QDPR: variants seen among roughly 807,000 people sequenced by gnomAD.
QDPR encodes quinoid dihydropteridine reductase.
QDPR carries 23 observed loss-of-function variants against 31.7 expected under a neutral mutation model. The ratio of observed to expected loss-of-function variants is 0.73; its 90% confidence interval spans 0.52 to 1.03. The LOEUF is 1.03. Ranked by LOEUF, QDPR falls within the 50% of genes least tolerant of loss-of-function variation. The pLI, the probability that QDPR is intolerant of heterozygous loss-of-function variation, is 0.00. For synonymous variants in QDPR, 124 were observed against 124.7 expected, an observed-to-expected ratio of 0.99 and a Z score of 0.03; for missense variants, 324 against 323.8, an observed-to-expected ratio of 1.00 and a Z score of 0.00.
At chr4:17,494,975 G>A (rs1047500799) in intron 4 of QDPR, among the ~76,000 whole-genome samples, 1 of 152,192 alleles carries the variant, frequency 6.6e-6, no homozygotes, top group Admixed American at 6.5e-5. Context: ...CGATCAGGGC[G>A]GAGGGAGCCC....
Position 17,487,318 on chromosome 4 carries a change from G to A in QDPR, c.630-82C>T, listed in dbSNP as rs992725194. ...GCTGACCTTCACAGTGACGGCTTGT[G>A]GGGTGGGGGGAAGGGGTGGCACAGC... is the stretch of plus-strand genomic sequence containing the variant. On this transcript the variant is annotated intron_variant, in intron 6 of 6. Transcript: ENST00000281243. 32 of 1,056,508 alleles carry A rather than the reference G, an allele frequency of 3.0e-5. No homozygotes were observed. In the Admixed American group the frequency reaches 5.8e-4, roughly 19 times the overall value. 65.4% of individuals were successfully genotyped at this position (1,056,508 alleles called of 1,614,324 possible).
At chr4:17,504,508 G>A in intron 2 of QDPR, 33 bp from the exon 3 acceptor site, 2 of 1,548,944 alleles carry the variant, frequency 1.3e-6, no homozygotes, top group Non-Finnish European at 1.8e-6. Context: ...TGTATAAACT[G>A]TAAGGTAAGC....
chr4:17,501,764 G>A lies in QDPR; in HGVS notation c.391C>T (p.Leu131Phe). The change falls in exon 4 of 7, where the codon CTC becomes TTC. Residue 131 changes from leucine to phenylalanine, a missense_variant. Physicochemically the swap from Leu to Phe is conservative, Grantham distance 22. Transcript: ENST00000281243. ...GCCTTTGCGCCAGCCAAGGTCAGGA[G>A]GCCTCCTTCCTTGAGATGCTTGGTA... ...LATKHLKEGG[L>F]LTLAGAKAAL... 1 of 1,614,186 alleles carries A rather than the reference G, an allele frequency of 6.2e-7. No individual in the cohort carries two copies. Among genetic ancestry groups the A allele is most frequent in the Non-Finnish European group, 8.5e-7 (1 of 1,180,038 alleles).
intron 1 of QDPR, 99 bp from the exon 2 acceptor site, chr4:17,509,462 C>T: frequency 9.4e-7 from 1 of 1,061,334 alleles, no homozygotes; most frequent in Non-Finnish European, 1.4e-6. Context: ...TGTAGTGGTT[C>T]ACGTCTGTAA....
rs1305611429 is a variant in QDPR at position 17,505,728 on chromosome 4, T to C, written c.199-1253A>G. ...AAAAAAGACTTAAATCAACACCCTG[T>C]GTCTCTCCCAGTAGGAACATTTCAG... On this transcript the variant is annotated intron_variant, in intron 2 of 6. Transcript: ENST00000281243. Among the ~76,000 whole-genome samples the C allele has an allele frequency of 3.3e-5, 5 of 152,190 alleles. No individual in the cohort carries two copies. In the South Asian group the frequency reaches 6.2e-4, roughly 19 times the overall value.
chr4:17,508,978 G>A (rs1359043664), intron 2 of QDPR, among the ~76,000 whole-genome samples: 4 of 152,084 alleles, frequency 2.6e-5, no homozygotes, highest in Admixed American at 1.3e-4. Context: ...CCAACATGGT[G>A]AAACCCCGTC....
chr4:17,508,311 T>C (rs114875156), intron 2 of QDPR, among the ~76,000 whole-genome samples: 43 of 152,314 alleles, frequency 2.8e-4, no homozygotes, highest in African/African-American at 1.0e-3. Context: ...TTGGGGTGCA[T>C]GCCTGTAATC....
intron 1 of QDPR, among the ~76,000 whole-genome samples, chr4:17,511,228 G>A (rs1029929756): frequency 6.6e-6 from 1 of 152,128 alleles, no homozygotes; most frequent in Non-Finnish European, 1.5e-5. Context: ...GAGCGGCTGA[G>A]GTCAAGGGTC....
At position 17,502,075 on chromosome 4, in the gene QDPR, T is replaced by C. The variant is rs7660847; in HGVS notation, c.296-216A>G. 0.026 allele frequency among the ~76,000 whole-genome samples: 3,885 copies of C among 152,278 alleles called. 165 individuals are homozygous for C. The highest frequency in any genetic ancestry group is 0.088 in the African/African-American group (3,673 of 41,534). ...GCCTGAGGTTCAGCTTCCTTACCTA[T>C]ACACTGGCAAAATGTTGGCCAATAA... On this transcript the variant is annotated intron_variant, in intron 3 of 6. Transcript: ENST00000281243.
At chr4:17,505,822 G>A (rs1253355404) in intron 2 of QDPR, among the ~76,000 whole-genome samples, 1 of 152,114 alleles carries the variant, frequency 6.6e-6, no homozygotes, top group Non-Finnish European at 1.5e-5. Context: ...AATTCTTAAG[G>A]TTGGGGGTAT....
chr4:17,502,885 T>A (rs1230082737), intron 3 of QDPR, among the ~76,000 whole-genome samples: 8 of 152,184 alleles, frequency 5.3e-5, no homozygotes, highest in Non-Finnish European at 2.9e-5. Flanking sequence ...ACTGACTTAC[T>A]GCAAACAGAA....
intron 5 of QDPR, among the ~76,000 whole-genome samples, chr4:17,491,502 G>A (rs535861081): frequency 6.6e-6 from 1 of 152,284 alleles, no homozygotes; most frequent in South Asian, 2.1e-4. Context: ...ACAGTCCCCC[G>A]ATGACCAACA....
At chr4:17,500,500 T>A (rs547206408) in intron 4 of QDPR, among the ~76,000 whole-genome samples, 1 of 152,258 alleles carries the variant, frequency 6.6e-6, no homozygotes, top group African/African-American at 2.4e-5. Flanking sequence ...CCCATTGAGA[T>A]GGGCCCTAGT....
intron 6 of QDPR, chr4:17,490,113 T>C (rs1718105181): frequency 5.6e-6 from 1 of 179,692 alleles, no homozygotes; most frequent in Non-Finnish European, 1.2e-5. Flanking sequence ...GCCACCCATA[T>C]TCACAAATGG....
At chr4:17,500,399 C>G (rs901281930) in intron 4 of QDPR, among the ~76,000 whole-genome samples, 1 of 152,184 alleles carries the variant, frequency 6.6e-6, no homozygotes, top group Non-Finnish European at 1.5e-5. Flanking sequence ...ATAGATCCCC[C>G]CAACATTCGT....
At chr4:17,496,476 C>T (rs943745046) in intron 4 of QDPR, among the ~76,000 whole-genome samples, 3 of 88,180 alleles carry the variant, frequency 3.4e-5, no homozygotes, top group Non-Finnish European at 7.1e-5. Flanking sequence ...AAAAAAAGAA[C>T]AAACTGGTAG....
chr4:17,496,954 A>C (rs1718382667), intron 4 of QDPR, among the ~76,000 whole-genome samples: 1 of 152,094 alleles, frequency 6.6e-6, no homozygotes, highest in Admixed American at 6.5e-5. Context: ...ATGGGGTTTG[A>C]CCATGTTGGC....
At chr4:17,504,582 C>T (rs1718686619) in intron 2 of QDPR, 107 bp from the exon 3 acceptor site, 2 of 873,302 alleles carry the variant, frequency 2.3e-6, no homozygotes, top group Non-Finnish European at 3.8e-6. Flanking sequence ...AGCCAGTTTA[C>T]AGTACCTGGC....
chr4:17,499,677 CG>C (rs1718490653), intron 4 of QDPR, among the ~76,000 whole-genome samples: 1 of 152,138 alleles, frequency 6.6e-6, no homozygotes, highest in Non-Finnish European at 1.5e-5. Context: ...CTCAGTGCTC[CG>C]GGAGGCCAAG....
Sources: allele counts gnomAD v4.1 joint callset (sites outside exome capture counted in the v4.1 genomes callset), GRCh38; gene constraint gnomAD v4.1.1; transcripts MANE v1.5; gene names NCBI Gene and HGNC (gene_info 2026-07-23, HGNC 2026-07-21).